The following TUSC3 variants were observed in gnomAD, a reference collection of about 807,000 sequenced individuals.
TUSC3 encodes tumor suppressor candidate 3.
TUSC3 carries 45 observed loss-of-function variants against 44.8 expected under a neutral mutation model. The observed-to-expected ratio is 1.00, with a 90% CI of 0.79 to 1.29. The LOEUF (loss-of-function observed/expected upper bound fraction) is 1.29, where lower values mean the gene tolerates loss of function less well. Among genes scored for constraint, TUSC3 ranks in the 50% most tolerant of loss-of-function variants. The probability of loss-of-function intolerance (pLI) is 0.00; values close to 1 mark genes in which losing one functional copy is unlikely to be tolerated. For missense variants in TUSC3, 519 were observed against 437.9 expected (o/e 1.19, Z -1.65); for synonymous variants, 212 against 152.9 (o/e 1.39, Z -2.85).
chr8:15,599,936 A>T (rs1297613024), intron 1 of TUSC3, among the ~76,000 whole-genome samples: 2 of 151,648 alleles, frequency 1.3e-5, no homozygotes, highest in Admixed American at 1.3e-4. Flanking sequence ...ATCATCACTT[A>T]TTAGTTCCAA....
the TUSC3 span, among the ~76,000 whole-genome samples, chr8:15,781,641 T>C: frequency 6.6e-5 from 10 of 151,706 alleles, no homozygotes; most frequent in East Asian, 1.9e-3. Context: ...AGCCAAGAGA[T>C]TGAAATAGTA....
intron 1 of TUSC3, among the ~76,000 whole-genome samples, chr8:15,447,185 G>C (rs1023421627): frequency 6.6e-6 from 1 of 152,066 alleles, no homozygotes; most frequent in Non-Finnish European, 1.5e-5. Flanking sequence ...TAGTTATTCA[G>C]GAAAACCAGG....
chr8:15,718,155 A>T (rs1388507482), intron 6 of TUSC3, among the ~76,000 whole-genome samples: 2 of 152,086 alleles, frequency 1.3e-5, no homozygotes, highest in Non-Finnish European at 2.9e-5. Flanking sequence ...GAAAGTAGTG[A>T]TTTTGGAAGA....
the TUSC3 span, among the ~76,000 whole-genome samples, chr8:15,782,519 T>C: frequency 2.0e-5 from 3 of 152,198 alleles, no homozygotes; most frequent in Admixed American, 6.5e-5. Context: ...TATACTCATA[T>C]ATTAAACATT....
At chr8:15,427,790 C>T (rs1295098971) in intron 1 of TUSC3, among the ~76,000 whole-genome samples, 6 of 151,908 alleles carry the variant, frequency 3.9e-5, no homozygotes, top group African/African-American at 7.3e-5. Context: ...ACTTTTGTTG[C>T]CTGTGCTTTG....
the TUSC3 span, among the ~76,000 whole-genome samples, chr8:15,812,151 T>A: frequency 6.6e-6 from 1 of 152,216 alleles, no homozygotes; most frequent in African/African-American, 2.4e-5. Context: ...TTAAAGTGCA[T>A]CTTAAGTTGA....
intron 2 of TUSC3, among the ~76,000 whole-genome samples, chr8:15,514,734 A>T (rs1051621839): frequency 6.6e-6 from 1 of 152,180 alleles, no homozygotes; most frequent in African/African-American, 2.4e-5. Flanking sequence ...ATGAAGACAC[A>T]TCAAAGTAAT....
chr8:15,685,460 C>A (rs2129187267), intron 6 of TUSC3, among the ~76,000 whole-genome samples: 1 of 152,124 alleles, frequency 6.6e-6, no homozygotes, highest in Middle Eastern at 3.4e-3. Context: ...TGGACAGTTC[C>A]CGGCTGTTTC....
chr8:15,698,383 T>C (rs1022544484), intron 6 of TUSC3, among the ~76,000 whole-genome samples: 23 of 152,356 alleles, frequency 1.5e-4, no homozygotes, highest in South Asian at 6.2e-4. Context: ...AAAACAATTA[T>C]GAAATAAGTA....
At chr8:15,851,407 T>C in the TUSC3 span, among the ~76,000 whole-genome samples, 1 of 152,312 alleles carries the variant, frequency 6.6e-6, no homozygotes, top group East Asian at 1.9e-4. Flanking sequence ...TGATAACAAA[T>C]ATTTATTGAG....
At chr8:15,648,199 T>A (rs1212689973) in intron 2 of TUSC3, among the ~76,000 whole-genome samples, 2 of 152,240 alleles carry the variant, frequency 1.3e-5, no homozygotes, top group African/African-American at 4.8e-5. Context: ...TTTATTCGAC[T>A]CTGTCTTCTA....
At chr8:15,596,564 A>G (rs538067067) in intron 1 of TUSC3, among the ~76,000 whole-genome samples, 3 of 152,170 alleles carry the variant, frequency 2.0e-5, no homozygotes, top group South Asian at 4.1e-4. Context: ...AGGAATGACT[A>G]TAATTTTCAG....
chr8:15,685,378 T>A (rs773710832), intron 6 of TUSC3, among the ~76,000 whole-genome samples: 1 of 152,112 alleles, frequency 6.6e-6, no homozygotes, highest in Non-Finnish European at 1.5e-5. Context: ...CTCTTCTCTA[T>A]TGACTTGATG....
chr8:15,695,216 G>A (rs887276931), intron 6 of TUSC3, among the ~76,000 whole-genome samples: 3 of 152,116 alleles, frequency 2.0e-5, no homozygotes, highest in Non-Finnish European at 2.9e-5. Flanking sequence ...TAACTCCCAC[G>A]GTTCCCACAT....
At chr8:15,748,694 A>G (rs1195050064) in intron 9 of TUSC3, 10 of 663,132 alleles carry the variant, frequency 1.5e-5, no homozygotes, top group Admixed American at 1.8e-5. Flanking sequence ...CTAGACATAC[A>G]TATTTTTATA....
the TUSC3 span, chr8:15,806,823 C>G: frequency 1.1e-6 from 1 of 915,540 alleles, no homozygotes; most frequent in Non-Finnish European, 1.7e-6. Context: ...ATGAACTTTC[C>G]TGTTCCTACA....
intron 1 of TUSC3, among the ~76,000 whole-genome samples, chr8:15,450,699 A>T (rs940101227): frequency 2.6e-5 from 4 of 152,210 alleles, no homozygotes; most frequent in African/African-American, 9.6e-5. Context: ...TAATAAAAGT[A>T]TACAGTTAAC....
At chr8:15,519,003 A>G (rs1801258003) in intron 2 of TUSC3, among the ~76,000 whole-genome samples, 1 of 152,222 alleles carries the variant, frequency 6.6e-6, no homozygotes, top group African/African-American at 2.4e-5. Context: ...CAAATAAAAC[A>G]TGAAATAGCA....
At chr8:15,834,473 C>A in the TUSC3 span, among the ~76,000 whole-genome samples, 430 of 152,212 alleles carry the variant, frequency 2.8e-3, 10 homozygotes, top group East Asian at 0.076. Flanking sequence ...AAGAACAATA[C>A]TGTTTTTTAG....
Sources: allele counts gnomAD v4.1 joint callset (sites outside exome capture counted in the v4.1 genomes callset), GRCh38; gene constraint gnomAD v4.1.1; transcripts MANE v1.5; gene names NCBI Gene and HGNC (gene_info 2026-07-23, HGNC 2026-07-21).